The following EBF1 variants were observed in gnomAD, a reference collection of about 807,000 sequenced individuals.
EBF1 encodes the protein transcription factor COE1.
EBF1 carries 10 observed loss-of-function variants against 68.4 expected under a neutral mutation model. The observed-to-expected ratio is 0.15, with a 90% CI of 0.09 to 0.25. The LOEUF (loss-of-function observed/expected upper bound fraction) is 0.25. EBF1 is among the 10% of genes least tolerant of loss of function. The probability of loss-of-function intolerance (pLI) is 1.00; values close to 1 mark genes in which losing one functional copy is unlikely to be tolerated. For synonymous variants in EBF1, 298 were observed against 299.8 expected (o/e 0.99, Z 0.06); for missense variants, 509 against 794.4 (o/e 0.64, Z 4.32).
chr5:158,870,070 G>GT (rs371486070), intron 6 of EBF1, among the ~76,000 whole-genome samples: 6 of 152,066 alleles, frequency 3.9e-5, no homozygotes, highest in African/African-American at 9.7e-5. Context: ...CCAAAACAAA[G>GT]TTTTTTTTCC....
intron 10 of EBF1, among the ~76,000 whole-genome samples, chr5:158,739,297 G>A (rs1561791343): frequency 6.6e-6 from 1 of 152,296 alleles, no homozygotes; most frequent in East Asian, 1.9e-4. Context: ...TGGGAAGTAG[G>A]TGAACCTCCA....
chr5:158,741,575 TAAA>T (rs79547768), intron 10 of EBF1, among the ~76,000 whole-genome samples: 8 of 129,110 alleles, frequency 6.2e-5, no homozygotes, highest in Non-Finnish European at 1.0e-4. Context: ...ACCCTGTCTT[TAAA>T]AAAAAAAAAA....
At chr5:158,830,446 T>C (rs994408754) in intron 7 of EBF1, among the ~76,000 whole-genome samples, 14 of 152,312 alleles carry the variant, frequency 9.2e-5, no homozygotes, top group African/African-American at 3.4e-4. Flanking sequence ...AATTTTTATA[T>C]TTTTAGTAGA....
chr5:159,090,217 A>G (rs1781382174), intron 4 of EBF1, among the ~76,000 whole-genome samples: 1 of 149,390 alleles, frequency 6.7e-6, no homozygotes, highest in Admixed American at 6.8e-5. Flanking sequence ...ATTACATTCA[A>G]CCACCAATTT....
intron 6 of EBF1, chr5:159,019,268 C>A (rs984151685): frequency 1.3e-5 from 2 of 152,210 alleles, no homozygotes; most frequent in South Asian, 2.1e-4. Flanking sequence ...AATTCTAAAT[C>A]TCTGTATAAT....
At chr5:159,034,880 G>A (rs1413942668) in intron 6 of EBF1, among the ~76,000 whole-genome samples, 1 of 152,080 alleles carries the variant, frequency 6.6e-6, no homozygotes, top group Admixed American at 6.6e-5. Context: ...TGCCTACCTT[G>A]TCCAACCAGG....
At chr5:159,064,741 C>T (rs1490131009) in intron 6 of EBF1, among the ~76,000 whole-genome samples, 2 of 152,096 alleles carry the variant, frequency 1.3e-5, no homozygotes, top group Non-Finnish European at 2.9e-5. Flanking sequence ...ATATATCTAA[C>T]ATTAGAATCT....
chr5:158,812,181 T>G (rs578199437), intron 8 of EBF1, among the ~76,000 whole-genome samples: 1 of 152,148 alleles, frequency 6.6e-6, no homozygotes, highest in Non-Finnish European at 1.5e-5. Flanking sequence ...TCAATAAACA[T>G]GTGTTAGTGT....
chr5:158,782,578 T>C (rs1776645811), intron 9 of EBF1, among the ~76,000 whole-genome samples: 1 of 152,086 alleles, frequency 6.6e-6, no homozygotes, highest in African/African-American at 2.4e-5. Context: ...GGAGGATTGC[T>C]TGAGCCCAGG....
intron 6 of EBF1, among the ~76,000 whole-genome samples, chr5:158,863,620 G>A (rs1328161032): frequency 6.6e-6 from 1 of 152,170 alleles, no homozygotes; most frequent in Admixed American, 6.5e-5. Context: ...GTGTGTGTGT[G>A]CAGAGTATCA....
intron 8 of EBF1, among the ~76,000 whole-genome samples, chr5:158,802,931 A>T (rs780995236): frequency 2.0e-5 from 3 of 152,136 alleles, no homozygotes; most frequent in Admixed American, 6.5e-5. Flanking sequence ...CAGATTATGT[A>T]TTTTATTGTA....
intron 15 of EBF1, 84 bp downstream of exon 15, chr5:158,707,895 C>T: frequency 6.9e-7 from 1 of 1,441,820 alleles, no homozygotes; most frequent in Non-Finnish European, 9.4e-7. Context: ...ATACCCTCAG[C>T]AATGGTGATG....
chr5:158,817,720 G>C (rs1784043167), intron 8 of EBF1, among the ~76,000 whole-genome samples: 1 of 152,128 alleles, frequency 6.6e-6, no homozygotes, highest in African/African-American at 2.4e-5. Flanking sequence ...ACTCTCCTCT[G>C]CTTTTGTGGT....
intron 10 of EBF1, among the ~76,000 whole-genome samples, chr5:158,752,937 A>G (rs1769244806): frequency 6.6e-6 from 1 of 152,082 alleles, no homozygotes; most frequent in Non-Finnish European, 1.5e-5. Context: ...TCAATTTCCT[A>G]CAAATTGCAC....
rs566372206 is a variant in EBF1, at chr5:158,830,334, A to C, written c.637-7017T>G. On this transcript the variant is annotated intron_variant, in intron 7 of 15. Coordinates refer to ENST00000313708, the MANE Select transcript of EBF1 (RefSeq NM_024007.5). ...GTCACCAGGCCGGACTGCAGGGCGTAATCTCGGCTCACAGCAACCTCTGCC... is the reference window on the plus strand; with the variant it reads ...GTCACCAGGCCGGACTGCAGGGCGTCATCTCGGCTCACAGCAACCTCTGCC... Among the ~76,000 whole-genome samples the C allele has an allele frequency of 3.5e-4, 53 of 152,094 alleles. 1 individual carries two copies. Among genetic ancestry groups the C allele is most frequent in the Admixed American group, 2.0e-3 (30 of 15,278 alleles).
At chr5:158,985,177 T>C (rs1758776759) in intron 6 of EBF1, among the ~76,000 whole-genome samples, 1 of 152,170 alleles carries the variant, frequency 6.6e-6, no homozygotes, top group African/African-American at 2.4e-5. Context: ...GTCATGAAAA[T>C]GATACGAGAA....
intron 6 of EBF1, among the ~76,000 whole-genome samples, chr5:158,988,577 C>G (rs1759620254): frequency 6.6e-6 from 1 of 152,154 alleles, no homozygotes; most frequent in African/African-American, 2.4e-5. Context: ...AGGACTCTGC[C>G]TAATACACCC....
intron 15 of EBF1, among the ~76,000 whole-genome samples, chr5:158,707,048 G>A (rs936882880): frequency 6.6e-6 from 1 of 152,214 alleles, no homozygotes; most frequent in African/African-American, 2.4e-5. Flanking sequence ...GGAGATGAAT[G>A]TTTCAGTCTG....
intron 5 of EBF1, among the ~76,000 whole-genome samples, chr5:159,079,270 C>T (rs1354540093): frequency 2.0e-5 from 3 of 152,220 alleles, no homozygotes; most frequent in Non-Finnish European, 2.9e-5. Flanking sequence ...GACTCCTCTT[C>T]TGTTTTGCAT....
Sources: gnomAD v4.1 joint callset for allele counts (sites outside exome capture counted in the v4.1 genomes callset) on GRCh38, gnomAD v4.1.1 for gene constraint, MANE v1.5 for transcripts, NCBI Gene and HGNC (gene_info 2026-07-23, HGNC 2026-07-21) for gene names.